RSPH3: variants seen among roughly 807,000 people sequenced by gnomAD.
RSPH3 encodes the protein radial spoke head 3.
Under a neutral mutation model 43.8 loss-of-function variants are expected in RSPH3, and 21 were observed. The observed-to-expected ratio is 0.48, with a 90% CI of 0.34 to 0.69. The LOEUF is 0.69. RSPH3 is among the 30% of genes least tolerant of loss of function. RSPH3 has a pLI of 0.01. For synonymous variants in RSPH3, 173 were observed against 179.8 expected (o/e 0.96, Z 0.30); for missense variants, 487 against 516.0 (o/e 0.94, Z 0.54).
intron 5 of RSPH3, 106 bp from the exon 6 acceptor site, chr6:158,981,042 A>G: frequency 1.9e-6 from 2 of 1,065,982 alleles, no homozygotes; most frequent in Non-Finnish European, 2.7e-6. Context: ...AAAAATGGAC[A>G]GCGAGGTGTC....
At chr6:158,970,304 T>C (rs1777681265), downstream of RSPH3, among the ~76,000 whole-genome samples, 1 of 152,180 alleles carries the variant, frequency 6.6e-6, no homozygotes, top group Admixed American at 6.5e-5. Flanking sequence ...TGATTAGAGA[T>C]TTCCTTAAGT....
downstream of RSPH3, among the ~76,000 whole-genome samples, chr6:158,969,276 CT>C (rs1777667139): frequency 6.6e-6 from 1 of 152,136 alleles, no homozygotes; most frequent in Admixed American, 6.5e-5. Context: ...GATAGTTTTG[CT>C]GGATACAGAA....
At chr6:158,965,499 A>G in the RSPH3 span, among the ~76,000 whole-genome samples, 1 of 152,072 alleles carries the variant, frequency 6.6e-6, no homozygotes, top group East Asian at 1.9e-4. Flanking sequence ...TAAGTCTTGC[A>G]TCTCTTTGGT....
At chr6:158,977,870 C>T (rs1033836400) in intron 7 of RSPH3, 22 bp from the exon 8 acceptor site, 2 of 1,564,438 alleles carry the variant, frequency 1.3e-6, no homozygotes, top group Admixed American at 1.9e-5. Flanking sequence ...AATGTTCAGA[C>T]ATCACTATGA....
chr6:158,998,973 C>G (rs546984486), intron 1 of RSPH3, among the ~76,000 whole-genome samples: 1 of 152,156 alleles, frequency 6.6e-6, no homozygotes, highest in African/African-American at 2.4e-5. Context: ...CAAAGCCTGC[C>G]GAAGAGATTT....
chr6:158,970,930 C>T (rs957947383), downstream of RSPH3, among the ~76,000 whole-genome samples: 2 of 152,126 alleles, frequency 1.3e-5, no homozygotes, highest in Non-Finnish European at 2.9e-5. Context: ...CTCTTATTTG[C>T]TCTACCTCAG....
chr6:158,995,818 C>T (rs919253436), intron 1 of RSPH3, among the ~76,000 whole-genome samples: 2 of 152,074 alleles, frequency 1.3e-5, no homozygotes, highest in African/African-American at 4.8e-5. Context: ...CCAGGATGGT[C>T]TGGATCTCCT....
chr6:158,986,989 G>T (rs1778254124), intron 2 of RSPH3, among the ~76,000 whole-genome samples: 1 of 152,198 alleles, frequency 6.6e-6, no homozygotes, highest in Non-Finnish European at 1.5e-5. Flanking sequence ...TAGGTCTAGT[G>T]TGAAGTTTAA....
At chr6:158,978,443 T>C (rs927336982) in intron 6 of RSPH3, 97 bp from the exon 7 acceptor site, 5 of 660,436 alleles carry the variant, frequency 7.6e-6, no homozygotes, top group Non-Finnish European at 1.1e-5. Flanking sequence ...TTTCTTAATA[T>C]AAAATGTTAA....
chr6:158,972,015 T>TG (rs1025337630), downstream of RSPH3, among the ~76,000 whole-genome samples: 2 of 151,850 alleles, frequency 1.3e-5, no homozygotes. Flanking sequence ...AAAAAAAACT[T>TG]GGGGGGGATA....
chr6:158,980,982 C>T (rs1778015930), intron 5 of RSPH3, 46 bp from the exon 6 acceptor site: 3 of 1,592,810 alleles, frequency 1.9e-6, no homozygotes, highest in East Asian at 2.2e-5. Flanking sequence ...ATGCCCTCCC[C>T]AAGTGCTGAA....
the RSPH3 span, among the ~76,000 whole-genome samples, chr6:158,967,496 C>T: frequency 6.6e-6 from 1 of 152,140 alleles, no homozygotes; most frequent in African/African-American, 2.4e-5. Flanking sequence ...TTAAAATTTA[C>T]TAAGGCTTAT....
At chr6:158,999,180 A>G (rs544553070) in intron 1 of RSPH3, among the ~76,000 whole-genome samples, 1 of 152,230 alleles carries the variant, frequency 6.6e-6, no homozygotes, top group Non-Finnish European at 1.5e-5. Context: ...TTGTGAAATG[A>G]GCCAATTCGT....
chr6:158,988,693 A>C (rs1778308908), intron 2 of RSPH3, among the ~76,000 whole-genome samples: 1 of 152,046 alleles, frequency 6.6e-6, no homozygotes. Context: ...TAAATTTTTC[A>C]GTTCAACAAA....
the RSPH3 span, among the ~76,000 whole-genome samples, chr6:158,963,658 C>T: frequency 2.6e-5 from 4 of 151,164 alleles, no homozygotes; most frequent in East Asian, 3.9e-4. Flanking sequence ...CATGGCTCAA[C>T]AACTCACTGC....
chr6:158,979,804 CTGAGGAAGGTGGG>C (rs1397583221), intron 6 of RSPH3, among the ~76,000 whole-genome samples: 1 of 152,136 alleles, frequency 6.6e-6, no homozygotes, highest in Non-Finnish European at 1.5e-5. Context: ...GCTTTTCACT[CTGAGGAAGGTGGG>C]TGGTGGTGAG....
Position 158,978,252 on chromosome 6 carries a change from T to C in RSPH3, c.946+8A>G, listed in dbSNP as rs375546866. ...TTTAGAGATGAATTTTTGGATAAAATAACTTACTGTCAAGCACTGTTCTTC... is the reference window on the plus strand; with the variant it reads ...TTTAGAGATGAATTTTTGGATAAAACAACTTACTGTCAAGCACTGTTCTTC... On this transcript the variant is annotated splice_region_variant and intron_variant, in intron 7 of 7. Transcript: ENST00000367069. 181 of 1,445,842 alleles carry C rather than the reference T, an allele frequency of 1.3e-4. 1 individual carries two copies. Among genetic ancestry groups the C allele is most frequent in the Middle Eastern group, 1.8e-4 (1 of 5,646 alleles). The allele number at this position is 1,445,842 out of a possible 1,614,324, so 89.6% of individuals were successfully genotyped here.
intron 2 of RSPH3, chr6:158,988,250 C>T (rs1407838258): frequency 6.6e-6 from 1 of 152,196 alleles, no homozygotes; most frequent in Non-Finnish European, 1.5e-5. Context: ...GAGAAGTCTG[C>T]TGCCAGATGG....
In RSPH3 at chr6:158,976,526, G is replaced by C. The variant is rs1777844680; in HGVS notation, c.*1012C>G. 6.6e-6 allele frequency: 1 copy of C among 152,078 alleles called. No individual in the cohort carries two copies. The highest frequency in any genetic ancestry group is 6.5e-5 in the Admixed American group (1 of 15,272). The allele number at this position is 152,078 out of a possible 1,614,324, so 9.4% of individuals were successfully genotyped here. On this transcript the variant is annotated 3_prime_UTR_variant, in exon 8 of 8. Transcript: ENST00000367069. ...AAGAAAATCAAGCTATATATTTCTA[G>C]ATTTTCAAATACATTTGTATAGGAA...
Sources: allele counts gnomAD v4.1 joint callset (sites outside exome capture counted in the v4.1 genomes callset), GRCh38; gene constraint gnomAD v4.1.1; transcripts MANE v1.5; gene names NCBI Gene and HGNC (gene_info 2026-07-23, HGNC 2026-07-21).